Variants in GALNT14 observed in about 807,000 individuals in gnomAD.
GALNT14 encodes the protein polypeptide N-acetylgalactosaminyltransferase 14.
In GALNT14, 60 loss-of-function variants were observed where a neutral mutation model predicts 77.5. The observed-to-expected ratio is 0.77, with a 90% CI of 0.63 to 0.96. The LOEUF is 0.96. Ranked by LOEUF, GALNT14 falls within the 40% of genes least tolerant of loss-of-function variation. GALNT14 has a pLI of 0.00. For missense variants in GALNT14, 710 were observed against 731.0 expected, an observed-to-expected ratio of 0.97 and a Z score of 0.33; for synonymous variants, 280 against 281.7, an observed-to-expected ratio of 0.99 and a Z score of 0.06.
chr2:30,887,537 T>C, the GALNT14 span, among the ~76,000 whole-genome samples: 29,311 of 152,114 alleles, frequency 0.19, 2,988 homozygotes, highest in African/African-American at 0.23. Flanking sequence ...GAAATGTCTA[T>C]TTAATTCCAG....
intron 1 of GALNT14, among the ~76,000 whole-genome samples, chr2:31,080,267 T>A (rs1676075899): frequency 1.3e-5 from 2 of 152,344 alleles, no homozygotes; most frequent in Admixed American, 1.3e-4. Flanking sequence ...AATAAGGTTA[T>A]CAGATAAAAT....
chr2:31,008,269 T>A (rs1244991419), intron 1 of GALNT14, among the ~76,000 whole-genome samples: 1 of 152,242 alleles, frequency 6.6e-6, no homozygotes, highest in East Asian at 1.9e-4. Flanking sequence ...CTTTATTTTT[T>A]ATGTTTTTGT....
In GALNT14 at chr2:30,930,355, T is replaced by C. The variant is rs950184442; in HGVS notation, c.1059-868A>G. On this transcript the variant is annotated intron_variant, in intron 10 of 14. Coordinates refer to ENST00000349752, the MANE Select transcript of GALNT14 (RefSeq NM_024572.4). ...CACACACAGGTCTTCCCATAGGCCATGCAGTTAGCCTGCTGCAGGTGTAAA... is the reference window on the plus strand; with the variant it reads ...CACACACAGGTCTTCCCATAGGCCACGCAGTTAGCCTGCTGCAGGTGTAAA... 3.3e-5 allele frequency among the ~76,000 whole-genome samples: 5 copies of C among 152,358 alleles called. No homozygotes were observed. In the East Asian group the frequency reaches 5.8e-4, roughly 18 times the overall value.
chr2:31,041,253 G>A (rs940691441), intron 1 of GALNT14, among the ~76,000 whole-genome samples: 11 of 152,128 alleles, frequency 7.2e-5, no homozygotes, highest in African/African-American at 2.7e-4. Flanking sequence ...AGGTGGGTGA[G>A]GAAGATATGA....
At chr2:30,896,766 T>C in the GALNT14 span, among the ~76,000 whole-genome samples, 1 of 152,172 alleles carries the variant, frequency 6.6e-6, no homozygotes, top group East Asian at 1.9e-4. Flanking sequence ...CTACTTGGCA[T>C]GAAGGCCATT....
downstream of GALNT14, among the ~76,000 whole-genome samples, chr2:30,908,956 G>C (rs1044071180): frequency 6.6e-6 from 1 of 151,606 alleles, no homozygotes; most frequent in Non-Finnish European, 1.5e-5. Flanking sequence ...CAAGCAATGG[G>C]GAAAGGATTT....
chr2:30,970,389 G>A (rs1668274640), intron 2 of GALNT14, among the ~76,000 whole-genome samples: 1 of 152,160 alleles, frequency 6.6e-6, no homozygotes, highest in African/African-American at 2.4e-5. Context: ...CCTGTAAAAT[G>A]AGGATAAATA....
chr2:30,941,593 C>T (rs1666378951), intron 9 of GALNT14, among the ~76,000 whole-genome samples: 1 of 152,172 alleles, frequency 6.6e-6, no homozygotes, highest in Non-Finnish European at 1.5e-5. Context: ...CAGCTCTATC[C>T]CACCATGACC....
intron 1 of GALNT14, among the ~76,000 whole-genome samples, chr2:31,003,782 G>T (rs945465717): frequency 6.6e-6 from 1 of 152,272 alleles, no homozygotes. Context: ...ACAGAAGCCC[G>T]GTTTTTGTTT....
chr2:30,963,473 C>T (rs1667813261), intron 3 of GALNT14, among the ~76,000 whole-genome samples: 2 of 152,218 alleles, frequency 1.3e-5, no homozygotes, highest in South Asian at 2.1e-4. Flanking sequence ...GGTGGAGGAG[C>T]GGCAGGAAGA....
chr2:30,965,368 G>A (rs1412882757), intron 3 of GALNT14, among the ~76,000 whole-genome samples: 4 of 151,960 alleles, frequency 2.6e-5, no homozygotes, highest in Admixed American at 2.6e-4. Flanking sequence ...GAGTGAGGGC[G>A]GCTGCTGTCA....
intron 1 of GALNT14, among the ~76,000 whole-genome samples, chr2:31,044,920 A>T (rs1274034873): frequency 6.8e-6 from 1 of 146,392 alleles, no homozygotes; most frequent in Non-Finnish European, 1.5e-5. Context: ...ATCTCAACAG[A>T]AAAAAAAAAA....
chr2:31,023,573 GC>G (rs1027338661), intron 1 of GALNT14, among the ~76,000 whole-genome samples: 6 of 151,958 alleles, frequency 3.9e-5, no homozygotes, highest in African/African-American at 1.5e-4. Flanking sequence ...CCTTTCTTGA[GC>G]CCCAACCCCA....
chr2:31,072,030 G>C (rs1675409637), intron 1 of GALNT14, among the ~76,000 whole-genome samples: 3 of 152,278 alleles, frequency 2.0e-5, no homozygotes, highest in South Asian at 4.2e-4. Flanking sequence ...TGGGAGAAAA[G>C]AGAAGAGGGC....
At chr2:31,076,170 T>A (rs571812270) in intron 1 of GALNT14, among the ~76,000 whole-genome samples, 1 of 152,184 alleles carries the variant, frequency 6.6e-6, no homozygotes, top group Non-Finnish European at 1.5e-5. Flanking sequence ...CCCACAAATA[T>A]TTAGTGAGTT....
At chr2:30,976,580 C>G (rs1326267854) in intron 2 of GALNT14, among the ~76,000 whole-genome samples, 1 of 151,210 alleles carries the variant, frequency 6.6e-6, no homozygotes, top group Non-Finnish European at 1.5e-5. Context: ...CAAGCACCAC[C>G]CAGACGGCAG....
intron 1 of GALNT14, among the ~76,000 whole-genome samples, chr2:31,107,400 C>T (rs1359331844): frequency 6.6e-6 from 1 of 152,190 alleles, no homozygotes. Flanking sequence ...CCCCTCATGG[C>T]CTCTCCCAAA....
At chr2:30,903,419 T>C in the GALNT14 span, among the ~76,000 whole-genome samples, 2 of 152,210 alleles carry the variant, frequency 1.3e-5, no homozygotes, top group South Asian at 4.1e-4. Flanking sequence ...AATTTATAAC[T>C]GAGATGAGTT....
At chr2:30,904,765 G>C in the GALNT14 span, among the ~76,000 whole-genome samples, 1 of 152,252 alleles carries the variant, frequency 6.6e-6, no homozygotes, top group Admixed American at 6.5e-5. Flanking sequence ...GCAGGGCACA[G>C]ACAAACAAAA....
Sources: allele counts gnomAD v4.1 joint callset (sites outside exome capture counted in the v4.1 genomes callset), GRCh38; gene constraint gnomAD v4.1.1; transcripts MANE v1.5; gene names NCBI Gene and HGNC (gene_info 2026-07-23, HGNC 2026-07-21).